FBLN1: variants seen among roughly 807,000 people sequenced by gnomAD.
FBLN1 encodes the protein fibulin 1, also known as fibulin-1.
Under a neutral mutation model 89.7 loss-of-function variants are expected in FBLN1, and 34 were observed. The ratio of observed to expected loss-of-function variants is 0.38; its 90% CI spans 0.29 to 0.50. The LOEUF is 0.50. Among genes scored for constraint, FBLN1 ranks in the 20% least tolerant of loss-of-function variants. FBLN1 has a pLI of 0.92. For synonymous variants in FBLN1, 393 were observed against 391.3 expected (o/e 1.00, Z -0.05); for missense variants, 777 against 988.1 (o/e 0.79, Z 2.86).
intron 8 of FBLN1, among the ~76,000 whole-genome samples, chr22:45,539,401 G>A (rs969971689): frequency 1.4e-4 from 21 of 151,850 alleles, no homozygotes; most frequent in Middle Eastern, 3.4e-3. Context: ...GGGTTTTGCC[G>A]TGTTGGCCAG....
intron 16 of FBLN1, among the ~76,000 whole-genome samples, chr22:45,584,463 G>T (rs1294915903): frequency 6.6e-6 from 1 of 152,194 alleles, no homozygotes; most frequent in Non-Finnish European, 1.5e-5. Context: ...TAGGCAAAGT[G>T]TGATTGGGTC....
rs1177366720 is a variant in FBLN1, at chr22:45,535,273, C to T, written c.858C>T (p.Phe286=). 7 of 1,614,228 alleles carry T rather than the reference C, an allele frequency of 4.3e-6. No homozygotes were observed. The highest frequency in any genetic ancestry group is 5.9e-6 in the Non-Finnish European group (7 of 1,180,040). ...DFICQNTLGS[F]RCRPKLQCKS... ...TCTGTCAGAATACTCTGGGATCCTT[C>T]CGCTGCCGACCCAAGCTACAGTGCA... The change falls in exon 8 of 17, where the codon TTC becomes TTT. Residue 286 remains phenylalanine (F), a synonymous_variant. Coordinates refer to ENST00000327858, the MANE Select transcript of FBLN1 (RefSeq NM_006486.3).
At position 45,530,921 on chromosome 22, in the gene FBLN1, A is replaced by G. The variant is rs1209720050; in HGVS notation, c.485-344A>G. On this transcript the variant is annotated intron_variant, in intron 4 of 16. Coordinates refer to ENST00000327858, the MANE Select transcript of FBLN1 (RefSeq NM_006486.3). The surrounding 1 kb of genome is among the most constrained non-coding windows in gnomAD (Gnocchi z 5.4). ...TGAGATTACAGGTGCATGCCGCTAC[A>G]CCTGGCTAATTTTTGTATTTTTAGT... is the stretch of plus-strand genomic sequence containing the variant. Among the ~76,000 whole-genome samples, 2 of 151,972 alleles carry G rather than the reference A, an allele frequency of 1.3e-5. No individual in the cohort carries two copies. The highest frequency in any genetic ancestry group is 2.9e-5 in the Non-Finnish European group (2 of 67,998).
intron 14 of FBLN1, chr22:45,564,911 C>T: frequency 6.2e-7 from 1 of 1,614,078 alleles, no homozygotes; most frequent in Non-Finnish European, 8.5e-7. Context: ...GAAGGCAGAA[C>T]ACCCCAGCGG....
intron 4 of FBLN1, among the ~76,000 whole-genome samples, chr22:45,528,903 C>T (rs1490042437): frequency 6.6e-6 from 1 of 152,188 alleles, no homozygotes; most frequent in Non-Finnish European, 1.5e-5. Context: ...AATCTGTGCT[C>T]CCATCCGGGT....
At chr22:45,592,316 T>G (rs1169011719) in intron 16 of FBLN1, among the ~76,000 whole-genome samples, 2 of 152,102 alleles carry the variant, frequency 1.3e-5, no homozygotes, top group Non-Finnish European at 2.9e-5. Context: ...TGACAATACT[T>G]CCATGTGCTT....
Position 45,531,384 on chromosome 22 carries a change from G to T in FBLN1, c.544+60G>T. 1 of 1,464,910 alleles carries T rather than the reference G, an allele frequency of 6.8e-7. No homozygotes were observed. The highest frequency in any genetic ancestry group is 9.6e-7 in the Non-Finnish European group (1 of 1,044,894). 90.7% of individuals were successfully genotyped at this position (1,464,910 alleles called of 1,614,324 possible). ...AAACAAACCCCAAGGGGCCAGCAAG[G>T]TGGCTCAGGCCTGTAATCCTAGTAC... On this transcript the variant is annotated intron_variant, in intron 5 of 16. Transcript: ENST00000327858. The surrounding 1 kb of genome is among the most constrained non-coding windows in gnomAD (Gnocchi z 4.9).
At chr22:45,544,426 G>A (rs528467199) in intron 11 of FBLN1, among the ~76,000 whole-genome samples, 28 of 152,282 alleles carry the variant, frequency 1.8e-4, no homozygotes, top group Admixed American at 6.5e-4. Flanking sequence ...TTCCCCACCC[G>A]CAGAGACAGG....
At chr22:45,547,400 T>G (rs1403579666) in intron 12 of FBLN1, among the ~76,000 whole-genome samples, 196 bp downstream of exon 12, 3 of 141,118 alleles carry the variant, frequency 2.1e-5, no homozygotes, top group Non-Finnish European at 4.6e-5. Context: ...TTTTTTTTTT[T>G]TTTTTTTTTT....
intron 16 of FBLN1, among the ~76,000 whole-genome samples, chr22:45,582,143 G>A (rs2089047441): frequency 6.6e-6 from 1 of 152,210 alleles, no homozygotes; most frequent in African/African-American, 2.4e-5. Context: ...CGAGGATAGG[G>A]CTTAGACCTG....
Position 45,533,089 on chromosome 22 carries a change from C to A in FBLN1, c.571C>A (p.Arg191=). 6.2e-7 allele frequency: 1 copy of A among 1,614,176 alleles called. No homozygotes were observed. Among genetic ancestry groups the A allele is most frequent in the Admixed American group, 1.7e-5 (1 of 60,030 alleles). ...RGGGPCKQQC[R]DTGDEVVCSC... ...AGGCGGGCCCTGCAAGCAGCAGTGC[C>A]GAGACACGGGTGACGAGGTGGTCTG... The change falls in exon 6 of 17, where the codon CGA becomes AGA. Residue 191 remains arginine (R), a synonymous_variant. Coordinates refer to ENST00000327858, the MANE Select transcript of FBLN1 (RefSeq NM_006486.3).
intron 11 of FBLN1, among the ~76,000 whole-genome samples, chr22:45,543,999 A>G (rs1170201764): frequency 6.6e-6 from 1 of 152,208 alleles, no homozygotes; most frequent in East Asian, 1.9e-4. Context: ...AAGTCACCCA[A>G]ACAAAAGGAG....
rs2088998673 is a variant in FBLN1, at chr22:45,576,529, C to G, written c.1841-448C>G. Among the ~76,000 whole-genome samples the G allele has an allele frequency of 6.6e-6, 1 of 152,050 alleles. No homozygotes were observed. Among genetic ancestry groups the G allele is most frequent in the South Asian group, 2.1e-4 (1 of 4,810 alleles). On this transcript the variant is annotated intron_variant, in intron 15 of 16. Coordinates refer to ENST00000327858, the MANE Select transcript of FBLN1 (RefSeq NM_006486.3). The surrounding 1 kb of genome is among the most constrained non-coding windows in gnomAD (Gnocchi z 5.2). ...TGATCTGGGAGATGGACACACACCC[C>G]CCAGAGAACCCAGGCCACCGCTCAG... is the stretch of plus-strand genomic sequence containing the variant.
chr22:45,558,333 A>G (rs1472453802), intron 14 of FBLN1: 2 of 320,950 alleles, frequency 6.2e-6, no homozygotes, highest in Non-Finnish European at 1.2e-5. Context: ...TGACTTGATG[A>G]CCCAGAGTCA....
At chr22:45,560,675 A>G (rs755436995) in intron 14 of FBLN1, among the ~76,000 whole-genome samples, 1 of 152,140 alleles carries the variant, frequency 6.6e-6, no homozygotes, top group Non-Finnish European at 1.5e-5. Flanking sequence ...CCATTCTCCG[A>G]CACCCTTAAT....
chr22:45,593,366 C>T (rs967919477), intron 16 of FBLN1, among the ~76,000 whole-genome samples: 1 of 152,110 alleles, frequency 6.6e-6, no homozygotes, highest in Admixed American at 6.5e-5. Context: ...CTGCAACTTA[C>T]AGAGCAGAGC....
intron 16 of FBLN1, among the ~76,000 whole-genome samples, chr22:45,591,777 AGTGT>A: frequency 1.1e-5 from 1 of 93,716 alleles, no homozygotes; most frequent in African/African-American, 9.4e-5. Context: ...ACAGTCGGGA[AGTGT>A]CCTGCGCGCC....
chr22:45,514,058 C>T (rs956064544), intron 1 of FBLN1, among the ~76,000 whole-genome samples: 2 of 152,132 alleles, frequency 1.3e-5, no homozygotes, highest in Non-Finnish European at 2.9e-5. Context: ...GCTGGGATTA[C>T]AGGCGTGAGC....
intron 11 of FBLN1, among the ~76,000 whole-genome samples, 163 bp from the exon 12 acceptor site, chr22:45,546,922 G>A (rs996154506): frequency 2.6e-5 from 4 of 152,128 alleles, no homozygotes; most frequent in East Asian, 1.9e-4. Flanking sequence ...AGCCACCAGC[G>A]ATGACGCCTC....
Sources: allele counts gnomAD v4.1 joint callset (sites outside exome capture counted in the v4.1 genomes callset), GRCh38; gene constraint gnomAD v4.1.1; non-coding constraint Gnocchi (gnomAD v3.1); transcripts MANE v1.5; gene names NCBI Gene and HGNC (gene_info 2026-07-23, HGNC 2026-07-21).